Variants in CDH7 observed in about 807,000 individuals in gnomAD.
CDH7 encodes cadherin 7, also known as cadherin-7.
CDH7 carries 25 observed loss-of-function variants against 71.8 expected under a neutral mutation model. The observed-to-expected ratio is 0.35, with a 90% CI of 0.25 to 0.49. The LOEUF (loss-of-function observed/expected upper bound fraction) is 0.49. CDH7 is among the 20% of genes least tolerant of loss of function. CDH7 has a pLI of 0.99. For synonymous variants in CDH7, 381 were observed against 363.8 expected (o/e 1.05, Z -0.54); for missense variants, 862 against 974.6 (o/e 0.88, Z 1.54).
intron 11 of CDH7, among the ~76,000 whole-genome samples, chr18:65,879,867 T>C (rs1027720918): frequency 2.4e-4 from 36 of 152,338 alleles, no homozygotes; most frequent in African/African-American, 8.4e-4. Flanking sequence ...AGAGAAGCTT[T>C]TAATCTTTGT....
In CDH7 at chr18:65,875,500, A is replaced by T. The variant is rs183535707; in HGVS notation, c.1865-4901A>T. Among the ~76,000 whole-genome samples, 48 of 152,350 alleles carry T rather than the reference A, an allele frequency of 3.2e-4. 1 individual carries two copies. The Middle Eastern group carries it at 0.014, about 43-fold the overall frequency. ...TTGTAGTATGGTGTGTGTTTTACACATCAATATTTTTCTCCATATTCCCTT... is the reference window on the plus strand; with the variant it reads ...TTGTAGTATGGTGTGTGTTTTACACTTCAATATTTTTCTCCATATTCCCTT... On this transcript the variant is annotated intron_variant, in intron 11 of 11. Transcript: ENST00000397968.
chr18:65,823,887 A>C (rs1351882), intron 5 of CDH7, among the ~76,000 whole-genome samples: 1 of 151,702 alleles, frequency 6.6e-6, no homozygotes, highest in East Asian at 1.9e-4. Flanking sequence ...GGAATATAGC[A>C]TGCTGCGGTG....
At chr18:65,789,963 C>T (rs761918917) in intron 2 of CDH7, among the ~76,000 whole-genome samples, 1 of 151,218 alleles carries the variant, frequency 6.6e-6, no homozygotes, top group African/African-American at 2.4e-5. Flanking sequence ...GGCGCGGTGG[C>T]TCACACCTGT....
intron 1 of CDH7, among the ~76,000 whole-genome samples, chr18:65,754,694 A>G (rs1915984735): frequency 6.6e-6 from 1 of 152,168 alleles, no homozygotes; most frequent in African/African-American, 2.4e-5. Flanking sequence ...TCACCAACCA[A>G]AAGGGTACAA....
At chr18:65,782,024 T>TTCTTTCTCTC (rs1910282488) in intron 2 of CDH7, among the ~76,000 whole-genome samples, 1 of 75,752 alleles carries the variant, frequency 1.3e-5, no homozygotes, top group Non-Finnish European at 2.3e-5. Flanking sequence ...CTCTCTCTCT[T>TTCTTTCTCTC]TCTCCCTTCC....
chr18:65,782,143 TTTC>T (rs1191078071), intron 2 of CDH7, among the ~76,000 whole-genome samples: 4 of 105,518 alleles, frequency 3.8e-5, no homozygotes, highest in African/African-American at 2.2e-4. Context: ...TCTTTCTTTC[TTTC>T]TTTCTTTCTT....
At chr18:65,785,046 A>G (rs1910461795) in intron 2 of CDH7, among the ~76,000 whole-genome samples, 1 of 152,204 alleles carries the variant, frequency 6.6e-6, no homozygotes, top group South Asian at 2.1e-4. Flanking sequence ...AGTTCAATTA[A>G]TGACTTTTGG....
At chr18:65,822,354 G>A in intron 5 of CDH7, 106 bp downstream of exon 5, 2 of 826,632 alleles carry the variant, frequency 2.4e-6, no homozygotes, top group Non-Finnish European at 3.7e-6. Context: ...GCAAATAATT[G>A]TCTTACTTCA....
intron 7 of CDH7, among the ~76,000 whole-genome samples, chr18:65,856,125 A>T (rs1913347192): frequency 6.6e-6 from 1 of 152,148 alleles, no homozygotes; most frequent in Non-Finnish European, 1.5e-5. Context: ...TGTGAATAAG[A>T]CACTTCGAAA....
Position 65,781,980 on chromosome 18 carries a change from C to T in CDH7, c.210+18928C>T, listed in dbSNP as rs372090610. 5.1e-4 allele frequency among the ~76,000 whole-genome samples: 36 copies of T among 70,944 alleles called. 5 individuals carry two copies. The highest frequency in any genetic ancestry group is 1.9e-3 in the African/African-American group (19 of 9,780). The allele number at this position is 70,944 out of a possible 152,430, so 46.5% of individuals were successfully genotyped here. A position where few individuals can be genotyped will look rare whatever the true frequency, so the allele number is the denominator to read the frequency against. On this transcript the variant is annotated intron_variant, in intron 2 of 11. Coordinates refer to ENST00000397968, the MANE Select transcript of CDH7 (RefSeq NM_004361.5). ...TCTCTCTTTCTCTCTCTCTCTCTCT[C>T]TCTCTCTTTCTCTCTTTCTCTCTTT...
At chr18:65,811,568 C>T (rs1482006437) in intron 3 of CDH7, among the ~76,000 whole-genome samples, 1 of 152,144 alleles carries the variant, frequency 6.6e-6, no homozygotes, top group African/African-American at 2.4e-5. Flanking sequence ...GCTGCTCTTG[C>T]TTACCAACAA....
At chr18:65,811,160 A>G (rs1911519908) in intron 3 of CDH7, among the ~76,000 whole-genome samples, 1 of 145,814 alleles carries the variant, frequency 6.9e-6, no homozygotes, top group Admixed American at 7.1e-5. Flanking sequence ...ATTTTAACAC[A>G]TGGGTATTTT....
intron 1 of CDH7, among the ~76,000 whole-genome samples, chr18:65,760,762 C>T (rs7243054): frequency 0.34 from 52,128 of 151,996 alleles, 9,205 homozygotes; most frequent in Middle Eastern, 0.48. Flanking sequence ...CCTTCCCATA[C>T]TGTCAGCCAT....
At chr18:65,779,926 TA>T (rs1910116368) in intron 2 of CDH7, among the ~76,000 whole-genome samples, 2 of 88,136 alleles carry the variant, frequency 2.3e-5, no homozygotes, top group Non-Finnish European at 2.0e-5. Context: ...ACCAACAGTG[TA>T]AAAGTGTTCC....
At position 65,766,885 on chromosome 18, in the gene CDH7, T is replaced by TAAA. The variant is rs61611288; in HGVS notation, c.210+3868_210+3870dup. Among the ~76,000 whole-genome samples the TAAA allele has an allele frequency of 2.0e-3, 175 of 88,606 alleles. 24 individuals are homozygous for TAAA. Among genetic ancestry groups the TAAA allele is most frequent in the Non-Finnish European group, 3.1e-3 (114 of 36,666 alleles). The allele number at this position is 88,606 out of a possible 152,430, so 58.1% of individuals were successfully genotyped here. On this transcript the variant is annotated intron_variant, in intron 2 of 11. Transcript: ENST00000397968. The stretch of plus-strand genomic sequence containing the variant: ...CTTAACGTCCTGTAACTGTCTGACG[T>TAAA]AAAAAAAAAAAAAAAAAAAAAAAAA...
At chr18:65,861,566 A>C (rs201896682) in intron 10 of CDH7, among the ~76,000 whole-genome samples, 1 of 152,202 alleles carries the variant, frequency 6.6e-6, no homozygotes, top group Non-Finnish European at 1.5e-5. Context: ...TCAAATTCAT[A>C]CATTCTAAAA....
At chr18:65,763,910 G>C (rs1428236028) in intron 2 of CDH7, among the ~76,000 whole-genome samples, 1 of 151,926 alleles carries the variant, frequency 6.6e-6, no homozygotes, top group African/African-American at 2.4e-5. Context: ...TCTACTTCCG[G>C]TTCAATTTTT....
chr18:65,765,275 C>T (rs1254290895), intron 2 of CDH7, among the ~76,000 whole-genome samples: 1 of 151,886 alleles, frequency 6.6e-6, no homozygotes, highest in Non-Finnish European at 1.5e-5. Context: ...CTTACAGGAA[C>T]AATTTTCATA....
Position 65,781,884 on chromosome 18 carries a change from C to G in CDH7, c.210+18832C>G, listed in dbSNP as rs1449896856. ...TTTCTTTCTCTCTCTCTCTCTGTCT[C>G]TCTCTCTCTTTCTCTCTATCTTTCT... is the stretch of plus-strand genomic sequence containing the variant. On this transcript the variant is annotated intron_variant, in intron 2 of 11. Transcript: ENST00000397968. Among the ~76,000 whole-genome samples the G allele has an allele frequency of 1.2e-4, 13 of 109,770 alleles. 1 individual carries two copies. Among genetic ancestry groups the G allele is most frequent in the East Asian group, 1.1e-3 (4 of 3,542 alleles). The allele number at this position is 109,770 out of a possible 152,430, so 72.0% of individuals were successfully genotyped here.
Sources: allele counts gnomAD v4.1 joint callset (sites outside exome capture counted in the v4.1 genomes callset), GRCh38; gene constraint gnomAD v4.1.1; transcripts MANE v1.5; gene names NCBI Gene and HGNC (gene_info 2026-07-23, HGNC 2026-07-21).